KNL1: variants seen among roughly 807,000 people sequenced by gnomAD.
KNL1 encodes kinetochore scaffold 1.
A neutral mutation model predicts 201.3 loss-of-function variants in KNL1; 66 were observed. The ratio of observed to expected loss-of-function variants is 0.33; its 90% CI spans 0.27 to 0.40. KNL1 has a LOEUF of 0.40. Ranked by LOEUF, KNL1 falls within the 10% of genes least tolerant of loss-of-function variation. The pLI is 1.00. For missense variants in KNL1, 2,815 were observed against 2,690.5 expected, an observed-to-expected ratio of 1.05 and a Z score of -1.02; for synonymous variants, 895 against 899.2, an observed-to-expected ratio of 1.00 and a Z score of 0.08.
rs1892518716 is a variant in KNL1, at chr15:40,621,330, A to G, written c.1066A>G (p.Lys356Glu). The change falls in exon 10 of 26, where the codon AAA becomes GAA. Residue 356 changes from lysine (K) to glutamate (E), a missense_variant. By Grantham distance (56) the Lys-to-Glu change is moderately conservative (BLOSUM62 1). Around this residue, in one of 3 missense-constraint regions of KNL1, gnomAD observed 2,464 missense variants for 2,291.7 expected, o/e 1.08. Coordinates refer to ENST00000399668, the MANE Select transcript of KNL1 (RefSeq NM_144508.5). The part of the protein sequence containing the change: ...AMDVTTGYGT[K>E]ASGNKTVFKS... The stretch of plus-strand genomic sequence containing the variant: ...GGATGTAACAACAGGTTATGGAACT[A>G]AAGCTTCAGGAAATAAAACAGTTTT... 2 of 1,613,224 alleles carry G rather than the reference A, an allele frequency of 1.2e-6. No individual in the cohort carries two copies.
intron 24 of KNL1, among the ~76,000 whole-genome samples, chr15:40,658,666 T>C (rs1208019589): frequency 6.8e-6 from 1 of 146,832 alleles, no homozygotes. Flanking sequence ...GTGGCTCACA[T>C]GAGCCTGTAA....
intron 20 of KNL1, among the ~76,000 whole-genome samples, 174 bp downstream of exon 20, chr15:40,651,746 TG>T (rs1893571338): frequency 6.6e-6 from 1 of 152,234 alleles, no homozygotes; most frequent in Non-Finnish European, 1.5e-5. Flanking sequence ...AGAAGAACTA[TG>T]GAATTATAAT....
chr15:40,603,014 G>T, intron 2 of KNL1, 48 bp downstream of exon 2: 3 of 1,271,062 alleles, frequency 2.4e-6, no homozygotes, highest in Non-Finnish European at 3.4e-6. Flanking sequence ...ATCAGAGAAA[G>T]ATATTTTTCT....
chr15:40,622,891 A>T lies in KNL1; in HGVS notation c.2627A>T (p.Lys876Met), dbSNP rs1448445328. 3.7e-6 allele frequency: 6 copies of T among 1,612,272 alleles called. No homozygotes were observed. Among genetic ancestry groups the T allele is most frequent in the African/African-American group, 1.3e-5 (1 of 74,892 alleles). The change falls in exon 10 of 26, where the codon AAG becomes ATG. Residue 876 changes from lysine to methionine, a missense_variant. By Grantham distance (95) the Lys-to-Met change is moderately conservative. Coordinates refer to ENST00000399668, the MANE Select transcript of KNL1 (RefSeq NM_144508.5). The stretch of plus-strand genomic sequence containing the variant: ...GATAAGAATGATATGGATATCACTA[A>T]GAGTTATACAATAGAAATAAACCAT... The part of the protein sequence containing the change: ...EDDKNDMDIT[K>M]SYTIEINHRP...
intron 3 of KNL1, among the ~76,000 whole-genome samples, 179 bp from the exon 4 acceptor site, chr15:40,606,214 G>A (rs1173599738): frequency 6.6e-6 from 1 of 152,180 alleles, no homozygotes; most frequent in Admixed American, 6.6e-5. Context: ...GCAGGTAGAA[G>A]GGAATAGATG....
intron 1 of KNL1, among the ~76,000 whole-genome samples, chr15:40,595,577 G>T (rs1368942612): frequency 5.9e-5 from 9 of 152,202 alleles, no homozygotes; most frequent in African/African-American, 2.2e-4. Flanking sequence ...TAGTATTAAT[G>T]ATGTGTTCGA....
intron 13 of KNL1, among the ~76,000 whole-genome samples, chr15:40,631,503 C>T (rs1010917430): frequency 1.3e-5 from 2 of 151,892 alleles, no homozygotes; most frequent in African/African-American, 2.4e-5. Context: ...TTTTTAGAGA[C>T]GAGATCTTGC....
intron 25 of KNL1, 108 bp from the exon 26 acceptor site, chr15:40,661,966 G>T: frequency 3.3e-6 from 2 of 605,910 alleles, no homozygotes; most frequent in Non-Finnish European, 6.0e-6. Flanking sequence ...GCATGAACCC[G>T]GGAGGTGGAG....
intron 2 of KNL1, among the ~76,000 whole-genome samples, chr15:40,603,334 G>A (rs75639807): frequency 1.2e-4 from 18 of 152,254 alleles, no homozygotes; most frequent in African/African-American, 4.3e-4. Flanking sequence ...GAGAACATGC[G>A]GTGTTTGGTT....
At position 40,606,024 on chromosome 15, in the gene KNL1, A is replaced by G. The variant is rs1891959544; in HGVS notation, c.76-369A>G. On this transcript the variant is annotated intron_variant, in intron 3 of 25. Transcript: ENST00000399668. Reference sequence around the variant, plus strand: ...TTCCTGAAAACAGAAAAGACTCAGAATTGAATCATGTTAGCTTGATTATCC... The same window carrying G: ...TTCCTGAAAACAGAAAAGACTCAGAGTTGAATCATGTTAGCTTGATTATCC... Among the ~76,000 whole-genome samples, 2 of 152,220 alleles carry G rather than the reference A, an allele frequency of 1.3e-5. 1 individual carries two copies. The highest frequency in any genetic ancestry group is 1.3e-4 in the Admixed American group (2 of 15,268).
chr15:40,616,115 A>G lies in KNL1; in HGVS notation c.322+737A>G, dbSNP rs554135509. 2.2e-3 allele frequency among the ~76,000 whole-genome samples: 303 copies of G among 138,690 alleles called. 8 individuals carry two copies. In the South Asian group the frequency reaches 0.035, roughly 16 times the overall value. 91.0% of individuals were successfully genotyped at this position (138,690 alleles called of 152,430 possible). On this transcript the variant is annotated intron_variant, in intron 8 of 25. Transcript: ENST00000399668. ...CTTCAATTTAAAATTTCACAGGCTC[A>G]CTATTACTTCTTTTTTTTTTTTTTT...
chr15:40,612,113 C>G (rs1029521893), intron 7 of KNL1, among the ~76,000 whole-genome samples: 7 of 151,994 alleles, frequency 4.6e-5, no homozygotes, highest in African/African-American at 1.5e-4. Context: ...GTCAGGAGAT[C>G]GAGACCATCC....
intron 2 of KNL1, among the ~76,000 whole-genome samples, chr15:40,604,400 C>G (rs1891907626): frequency 6.6e-6 from 1 of 152,164 alleles, no homozygotes; most frequent in South Asian, 2.1e-4. Flanking sequence ...TTTTAAGAGA[C>G]TGTGTCTTGC....
At chr15:40,633,952 G>C (rs1420423938) in intron 13 of KNL1, among the ~76,000 whole-genome samples, 1 of 152,232 alleles carries the variant, frequency 6.6e-6, no homozygotes, top group Non-Finnish European at 1.5e-5. Context: ...TATCATAGGA[G>C]ATGATAGCTC....
intron 24 of KNL1, among the ~76,000 whole-genome samples, chr15:40,659,093 A>G (rs1317768350): frequency 6.6e-6 from 1 of 151,936 alleles, no homozygotes; most frequent in Non-Finnish European, 1.5e-5. Context: ...TTGAGGCCAC[A>G]TTGGCGAAAC....
At position 40,654,989 on chromosome 15, in the gene KNL1, A is replaced by G. The variant is rs767384724; in HGVS notation, c.6484+12A>G. The G allele has an allele frequency of 3.1e-6, 5 of 1,605,258 alleles. No homozygotes were observed. In the South Asian group the frequency reaches 5.5e-5, roughly 18 times the overall value. ...ATCTCTGTTAGATGGTAAGTAGAAA[A>G]CATTTAAGCCTCTAAAAATTTGTTG... is the stretch of plus-strand genomic sequence containing the variant. On this transcript the variant is annotated intron_variant, in intron 22 of 25. Coordinates refer to ENST00000399668, the MANE Select transcript of KNL1 (RefSeq NM_144508.5).
chr15:40,624,777 AAAG>A lies in KNL1; in HGVS notation c.4516_4518del (p.Glu1506del), dbSNP rs1892682892. ...GGAATGGTTTGCTGCAGCCTGTAAA[AAAG>A]AACTGAAGGAAAATATTCAAACAAC... On this transcript the variant is annotated inframe_deletion, in exon 10 of 26. Coordinates refer to ENST00000399668, the MANE Select transcript of KNL1 (RefSeq NM_144508.5). 6.2e-7 allele frequency: 1 copy of A among 1,613,730 alleles called. No individual in the cohort carries two copies. Among genetic ancestry groups the A allele is most frequent in the Admixed American group, 1.7e-5 (1 of 59,984 alleles).
At chr15:40,653,201 A>AT (rs1485471735) in intron 21 of KNL1, among the ~76,000 whole-genome samples, 2 of 151,858 alleles carry the variant, frequency 1.3e-5, no homozygotes, top group African/African-American at 4.8e-5. Context: ...TTATTTATTT[A>AT]TTTTTTTGAG....
Position 40,614,154 on chromosome 15 carries a change from G to A in KNL1, c.285-1187G>A, listed in dbSNP as rs187024865. 3.5e-5 allele frequency among the ~76,000 whole-genome samples: 5 copies of A among 140,980 alleles called. No individual in the cohort carries two copies. The East Asian group carries it at 1.1e-3, about 30-fold the overall frequency. 92.5% of individuals were successfully genotyped at this position (140,980 alleles called of 152,430 possible). A position where few individuals can be genotyped will look rare whatever the true frequency, so the allele number is the denominator to read the frequency against. Reference sequence around the variant, plus strand: ...GCTCTGTTGTGCAGGCTGGAGTGCAGTGGCCTAATCTTGGCTCACTGCAAC... The same window carrying A: ...GCTCTGTTGTGCAGGCTGGAGTGCAATGGCCTAATCTTGGCTCACTGCAAC... On this transcript the variant is annotated intron_variant, in intron 7 of 25. Coordinates refer to ENST00000399668, the MANE Select transcript of KNL1 (RefSeq NM_144508.5).
Sources: gnomAD v4.1 joint callset for allele counts (sites outside exome capture counted in the v4.1 genomes callset) on GRCh38, gnomAD v4.1.1 for gene constraint, gnomAD v4.1.1 regional missense constraint, MANE v1.5 for transcripts, NCBI Gene and HGNC (gene_info 2026-07-23, HGNC 2026-07-21) for gene names.